Variants in KCNQ5 observed in about 807,000 individuals in gnomAD.
KCNQ5 encodes the protein potassium voltage-gated channel subfamily Q member 5.
In KCNQ5, 30 loss-of-function variants were observed where a neutral mutation model predicts 98.2. That is an observed-to-expected ratio of 0.31 (90% confidence interval 0.23 to 0.41). KCNQ5 has a LOEUF of 0.41. KCNQ5 is among the 10% of genes least tolerant of loss of function. The probability of loss-of-function intolerance (pLI) is 1.00; values close to 1 mark genes in which losing one functional copy is unlikely to be tolerated. For synonymous variants in KCNQ5, 458 were observed against 449.4 expected (o/e 1.02, Z -0.24); for missense variants, 835 against 1,182.5 (o/e 0.71, Z 4.31).
At position 72,878,266 on chromosome 6, in the gene KCNQ5, A is replaced by C. The variant is rs577080512; in HGVS notation, c.399-125642A>C. On this transcript the variant is annotated intron_variant, in intron 1 of 13. Transcript: ENST00000370398. ...GCCTGGGCAACAAGAGTGAAACTCC[A>C]TCTCAAAAAGAAAAAGAAAAAGAAA... Among the ~76,000 whole-genome samples the C allele has an allele frequency of 1.6e-4, 24 of 152,336 alleles. No homozygotes were observed. In the East Asian group the frequency reaches 4.6e-3, roughly 29 times the overall value.
intron 3 of KCNQ5, among the ~76,000 whole-genome samples, chr6:73,056,299 A>G (rs1404949389): frequency 6.6e-6 from 1 of 152,102 alleles, no homozygotes; most frequent in Admixed American, 6.6e-5. Context: ...TGTAACCTGC[A>G]TGGTGATGTG....
At chr6:72,946,999 C>A (rs1582067530) in intron 1 of KCNQ5, among the ~76,000 whole-genome samples, 2 of 152,122 alleles carry the variant, frequency 1.3e-5, no homozygotes, top group Admixed American at 6.6e-5. Context: ...ATATTCCTAG[C>A]CTTTGCACTT....
rs1462558344 is a variant in KCNQ5 at position 73,125,346 on chromosome 6, G to A, written c.1247+834G>A. The A allele has an allele frequency of 9.9e-6, 5 of 505,660 alleles. No individual in the cohort carries two copies. In the East Asian group the frequency reaches 2.8e-4, roughly 28 times the overall value. 31.3% of individuals were successfully genotyped at this position (505,660 alleles called of 1,614,324 possible). ...TACCAGGAAGTGCCTAGATTTGAGA[G>A]CAAAGCCCTGAAAAACAGAGCCAGG... On this transcript the variant is annotated intron_variant, in intron 9 of 13. Coordinates refer to ENST00000370398, the MANE Select transcript of KCNQ5 (RefSeq NM_019842.4).
intron 1 of KCNQ5, among the ~76,000 whole-genome samples, chr6:72,757,592 C>T (rs564288940): frequency 2.0e-5 from 3 of 152,014 alleles, no homozygotes; most frequent in Non-Finnish European, 2.9e-5. Flanking sequence ...TATTGAATGC[C>T]GTACTGAAAG....
chr6:72,904,190 T>C (rs1372117536), intron 1 of KCNQ5, among the ~76,000 whole-genome samples: 2 of 152,248 alleles, frequency 1.3e-5, no homozygotes, highest in African/African-American at 4.8e-5. Flanking sequence ...TTGCTTTTGG[T>C]GTCCATTTGC....
intron 5 of KCNQ5, among the ~76,000 whole-genome samples, chr6:73,083,127 C>G (rs1307944098): frequency 6.6e-6 from 1 of 152,146 alleles, no homozygotes. Flanking sequence ...CTCCTAGGTT[C>G]AAGCAATCTG....
intron 10 of KCNQ5, among the ~76,000 whole-genome samples, chr6:73,160,726 A>G (rs1164258479): frequency 1.3e-5 from 2 of 152,216 alleles, no homozygotes; most frequent in Non-Finnish European, 2.9e-5. Context: ...TGGCTGAGGG[A>G]GACCAGGAGA....
At chr6:72,892,823 A>T (rs1779108413) in intron 1 of KCNQ5, among the ~76,000 whole-genome samples, 1 of 152,194 alleles carries the variant, frequency 6.6e-6, no homozygotes, top group Admixed American at 6.5e-5. Flanking sequence ...TCTGAATTAA[A>T]ATATCAGAGT....
chr6:72,914,741 G>A (rs1049048996), intron 1 of KCNQ5, among the ~76,000 whole-genome samples: 2 of 151,820 alleles, frequency 1.3e-5, no homozygotes, highest in Non-Finnish European at 2.9e-5. Context: ...TGTCTTATAA[G>A]GCTAAGTTGA....
At chr6:72,698,292 C>T (rs1768607481) in intron 1 of KCNQ5, among the ~76,000 whole-genome samples, 1 of 152,132 alleles carries the variant, frequency 6.6e-6, no homozygotes, top group Non-Finnish European at 1.5e-5. Flanking sequence ...TAACCTCCGC[C>T]TCCCAGGCTC....
At chr6:72,974,465 C>T (rs1039984555) in intron 1 of KCNQ5, among the ~76,000 whole-genome samples, 1 of 151,364 alleles carries the variant, frequency 6.6e-6, no homozygotes, top group Non-Finnish European at 1.5e-5. Flanking sequence ...GCAGGTGATA[C>T]TTCTGGGTCC....
intron 1 of KCNQ5, among the ~76,000 whole-genome samples, chr6:72,695,873 C>A (rs1768466576): frequency 6.6e-6 from 1 of 151,978 alleles, no homozygotes; most frequent in South Asian, 2.1e-4. Flanking sequence ...CCAGCCTGGG[C>A]AACATAGCAA....
intron 1 of KCNQ5, among the ~76,000 whole-genome samples, chr6:72,697,858 A>G (rs1331997841): frequency 6.6e-6 from 1 of 152,200 alleles, no homozygotes; most frequent in Non-Finnish European, 1.5e-5. Flanking sequence ...CTAAATATCA[A>G]TTTATATACC....
At chr6:72,708,381 G>A (rs74992990) in intron 1 of KCNQ5, among the ~76,000 whole-genome samples, 19,400 of 151,938 alleles carry the variant, frequency 0.13, 2,111 homozygotes, top group African/African-American at 0.29. Flanking sequence ...AAGAGGGTGG[G>A]GAAAATTTAT....
chr6:72,966,124 T>A (rs1417706017), intron 1 of KCNQ5, among the ~76,000 whole-genome samples: 1 of 152,238 alleles, frequency 6.6e-6, no homozygotes, highest in African/African-American at 2.4e-5. Context: ...TGAGATATCA[T>A]CCTGAGCCCA....
chr6:72,877,539 T>C (rs1778462995), intron 1 of KCNQ5, among the ~76,000 whole-genome samples: 1 of 152,230 alleles, frequency 6.6e-6, no homozygotes, highest in Non-Finnish European at 1.5e-5. Flanking sequence ...TGTGCATGTA[T>C]CTTTATAGTA....
intron 3 of KCNQ5, chr6:73,055,426 G>T: frequency 3.9e-6 from 6 of 1,526,796 alleles, no homozygotes; most frequent in Non-Finnish European, 5.4e-6. Context: ...CCCAGGTGAA[G>T]ATCTGCAGGT....
intron 9 of KCNQ5, chr6:73,129,878 G>C: frequency 6.3e-7 from 1 of 1,595,658 alleles, no homozygotes; most frequent in Non-Finnish European, 8.6e-7. Flanking sequence ...ATTGACATGA[G>C]ATTTGAGAAT....
At chr6:72,749,262 T>C (rs1479928728) in intron 1 of KCNQ5, among the ~76,000 whole-genome samples, 1 of 152,126 alleles carries the variant, frequency 6.6e-6, no homozygotes, top group Admixed American at 6.6e-5. Flanking sequence ...AAAGTTCAAA[T>C]AGAATACCAA....
Sources: allele counts gnomAD v4.1 joint callset (sites outside exome capture counted in the v4.1 genomes callset), GRCh38; gene constraint gnomAD v4.1.1; transcripts MANE v1.5; gene names NCBI Gene and HGNC (gene_info 2026-07-23, HGNC 2026-07-21).